The following MSI2 variants were observed in gnomAD, a reference collection of about 807,000 sequenced individuals.
MSI2 encodes the protein musashi RNA binding protein 2, also known as RNA-binding protein Musashi homolog 2.
In MSI2, 17 loss-of-function variants were observed where a neutral mutation model predicts 45.6. The ratio of observed to expected loss-of-function variants is 0.37; its 90% confidence interval spans 0.26 to 0.56. The LOEUF is 0.56. Ranked by LOEUF, MSI2 falls within the 20% of genes least tolerant of loss-of-function variation. The probability of loss-of-function intolerance (pLI) is 0.77; values close to 1 mark genes in which losing one functional copy is unlikely to be tolerated. For synonymous variants in MSI2, 156 were observed against 158.2 expected (o/e 0.99, Z 0.11); for missense variants, 293 against 444.2 (o/e 0.66, Z 3.06).
At chr17:57,507,184 G>A (rs112468117) in intron 6 of MSI2, among the ~76,000 whole-genome samples, 1 of 117,580 alleles carries the variant, frequency 8.5e-6, no homozygotes, top group Admixed American at 8.9e-5. Flanking sequence ...TTGGGGGGGG[G>A]GGGTGTAAAT....
At chr17:57,286,926 C>T (rs1207934331) in intron 5 of MSI2, among the ~76,000 whole-genome samples, 1 of 152,044 alleles carries the variant, frequency 6.6e-6, no homozygotes, top group Non-Finnish European at 1.5e-5. Flanking sequence ...TTGCCAAGTG[C>T]GGGTCCTGCA....
intron 5 of MSI2, among the ~76,000 whole-genome samples, chr17:57,344,218 G>T (rs1295663385): frequency 6.6e-6 from 1 of 152,166 alleles, no homozygotes; most frequent in Non-Finnish European, 1.5e-5. Context: ...GGCATCTGCG[G>T]TAAGCAAGAT....
chr17:57,648,578 A>G (rs1308132598), intron 10 of MSI2, among the ~76,000 whole-genome samples: 1 of 152,040 alleles, frequency 6.6e-6, no homozygotes, highest in African/African-American at 2.4e-5. Flanking sequence ...CAGGGAAGCT[A>G]TGTTGAGGAG....
intron 5 of MSI2, among the ~76,000 whole-genome samples, chr17:57,313,140 C>A (rs118148590): frequency 6.6e-6 from 1 of 152,124 alleles, no homozygotes; most frequent in Admixed American, 6.6e-5. Flanking sequence ...CCACTGCACC[C>A]GGCCGGCATT....
Position 57,611,839 on chromosome 17 carries a change from C to G in MSI2, c.538-4131C>G, listed in dbSNP as rs960877128. 2.1e-5 allele frequency among the ~76,000 whole-genome samples: 2 copies of G among 95,128 alleles called. 1 individual carries two copies. The highest frequency in any genetic ancestry group is 5.0e-5 in the Non-Finnish European group (2 of 39,648). The allele number at this position is 95,128 out of a possible 152,430, so 62.4% of individuals were successfully genotyped here. ...GGCCTCAGCCCCAGTCACCACCTGACCACAGCGCCATGAGACCACCAGCAA... is the reference window on the plus strand; with the variant it reads ...GGCCTCAGCCCCAGTCACCACCTGAGCACAGCGCCATGAGACCACCAGCAA... On this transcript the variant is annotated intron_variant, in intron 8 of 13. Coordinates refer to ENST00000284073, the MANE Select transcript of MSI2 (RefSeq NM_138962.4).
chr17:57,465,253 G>GGAGTTC (rs59667702), intron 6 of MSI2, among the ~76,000 whole-genome samples: 2,416 of 152,160 alleles, frequency 0.016, 30 homozygotes, highest in Non-Finnish European at 0.024. Flanking sequence ...CTTGAGTCTA[G>GGAGTTC]GAGTTCGAGA....
intron 6 of MSI2, among the ~76,000 whole-genome samples, chr17:57,483,275 A>C (rs277073): frequency 0.78 from 119,104 of 152,000 alleles, 47,202 homozygotes; most frequent in East Asian, 0.9. Flanking sequence ...CCTTAAAAAA[A>C]AAAAAAGAAA....
intron 7 of MSI2, among the ~76,000 whole-genome samples, chr17:57,554,030 C>T (rs1333992932): frequency 2.0e-5 from 3 of 152,260 alleles, no homozygotes; most frequent in East Asian, 1.9e-4. Context: ...GGCTCCCTAA[C>T]TAGAGAGGTT....
intron 6 of MSI2, among the ~76,000 whole-genome samples, chr17:57,483,451 C>T (rs1412996408): frequency 6.6e-6 from 1 of 152,138 alleles, no homozygotes; most frequent in African/African-American, 2.4e-5. Context: ...GACTGGCGCC[C>T]CCCAAATTCA....
At chr17:57,303,599 A>G (rs944932986) in intron 5 of MSI2, among the ~76,000 whole-genome samples, 8 of 152,154 alleles carry the variant, frequency 5.3e-5, no homozygotes, top group Non-Finnish European at 1.0e-4. Context: ...TTGTATTATT[A>G]TTATTGTACA....
the MSI2 span, among the ~76,000 whole-genome samples, chr17:57,698,892 AGTGTGTGTGTGTGTGT>A: frequency 1.4e-4 from 17 of 118,696 alleles, no homozygotes; most frequent in Non-Finnish European, 1.9e-4. Context: ...GATACAAGGA[AGTGTGTGTGTGTGTGT>A]GTGTGTGTGT....
intron 8 of MSI2, among the ~76,000 whole-genome samples, chr17:57,603,713 A>G (rs913531837): frequency 3.9e-5 from 6 of 152,326 alleles, no homozygotes; most frequent in South Asian, 2.1e-4. Flanking sequence ...TCCAGGCAAT[A>G]TATAAATGAA....
At chr17:57,644,220 T>C (rs570001226) in intron 10 of MSI2, among the ~76,000 whole-genome samples, 2 of 151,670 alleles carry the variant, frequency 1.3e-5, no homozygotes, top group Admixed American at 6.6e-5. Flanking sequence ...AGTTGTTTTT[T>C]TTTTTTTTTT....
At chr17:57,534,666 GA>G (rs2086886851) in intron 7 of MSI2, among the ~76,000 whole-genome samples, 1 of 152,180 alleles carries the variant, frequency 6.6e-6, no homozygotes, top group African/African-American at 2.4e-5. Flanking sequence ...AGTGAGCCGA[GA>G]TGGCGCCATT....
intron 7 of MSI2, among the ~76,000 whole-genome samples, chr17:57,547,630 T>C (rs954415306): frequency 1.3e-5 from 2 of 152,090 alleles, no homozygotes; most frequent in African/African-American, 2.4e-5. Context: ...TTCAATAGTA[T>C]GGGGACTGCT....
At chr17:57,557,405 A>G (rs990840472) in intron 7 of MSI2, among the ~76,000 whole-genome samples, 5 of 152,248 alleles carry the variant, frequency 3.3e-5, no homozygotes, top group African/African-American at 1.2e-4. Flanking sequence ...GGTCTGCCCC[A>G]GGGGCCAAAG....
In MSI2 at chr17:57,635,856, G is replaced by A. The variant is rs569240031; in HGVS notation, c.727+8553G>A. On this transcript the variant is annotated intron_variant, in intron 10 of 13. Transcript: ENST00000284073. ...CAAGTCCTAGCTCAGCAGAAAGGAC[G>A]GCTGTGATTAGCGATGTGGCCGATT... Among the ~76,000 whole-genome samples the A allele has an allele frequency of 4.6e-5, 7 of 152,358 alleles. No homozygotes were observed. In the East Asian group the frequency reaches 1.3e-3, roughly 29 times the overall value.
intron 5 of MSI2, among the ~76,000 whole-genome samples, chr17:57,393,658 G>T (rs770521259): frequency 2.6e-5 from 4 of 152,082 alleles, no homozygotes; most frequent in Non-Finnish European, 5.9e-5. Context: ...GGATCATATG[G>T]TAACACTATG....
intron 6 of MSI2, among the ~76,000 whole-genome samples, chr17:57,511,940 C>A (rs1567868940): frequency 6.6e-6 from 1 of 152,210 alleles, no homozygotes. Context: ...TCCAGACACA[C>A]ACACCTGCTG....
Sources: allele counts gnomAD v4.1 joint callset (sites outside exome capture counted in the v4.1 genomes callset), GRCh38; gene constraint gnomAD v4.1.1; transcripts MANE v1.5; gene names NCBI Gene and HGNC (gene_info 2026-07-23, HGNC 2026-07-21).